The following RUVBL1 variants were observed in gnomAD, a reference collection of about 807,000 sequenced individuals.
The protein encoded by RUVBL1 is RuvB like AAA ATPase 1, also known as ruvB-like 1.
A neutral mutation model predicts 52.4 loss-of-function variants in RUVBL1; 4 were observed. The observed-to-expected ratio is 0.08, with a 90% CI of 0.04 to 0.17. RUVBL1 has a LOEUF of 0.17. Among genes scored for constraint, RUVBL1 ranks in the 10% least tolerant of loss-of-function variants. The probability of loss-of-function intolerance (pLI) is 1.00; values close to 1 mark genes in which losing one functional copy is unlikely to be tolerated. For missense variants in RUVBL1, 298 were observed against 572.8 expected (o/e 0.52, Z 4.90); for synonymous variants, 217 against 214.4 (o/e 1.01, Z -0.10).
intron 8 of RUVBL1, among the ~76,000 whole-genome samples, chr3:128,091,861 T>A (rs1039744660): frequency 6.6e-6 from 1 of 152,170 alleles, no homozygotes; most frequent in Non-Finnish European, 1.5e-5. Flanking sequence ...GCGGAACAAA[T>A]TTGCCCCTGG....
At chr3:128,096,308 G>A (rs1412167932) in intron 8 of RUVBL1, among the ~76,000 whole-genome samples, 1 of 152,228 alleles carries the variant, frequency 6.6e-6, no homozygotes, top group African/African-American at 2.4e-5. Context: ...TGGGAAGATG[G>A]GGTGTTCTCC....
At chr3:128,104,955 G>A in intron 3 of RUVBL1, 31 bp from the exon 4 acceptor site, 1 of 1,581,660 alleles carries the variant, frequency 6.3e-7, no homozygotes. Flanking sequence ...GCCATGGTGA[G>A]AAGCAGAATC....
At chr3:128,132,806 A>T (rs1943898995) in intron 1 of RUVBL1, among the ~76,000 whole-genome samples, 1 of 152,112 alleles carries the variant, frequency 6.6e-6, no homozygotes, top group South Asian at 2.1e-4. Flanking sequence ...CAGGTGAACC[A>T]GCACATTCCC....
chr3:128,076,168 T>C (rs1433367045), downstream of RUVBL1: 3 of 152,344 alleles, frequency 2.0e-5, no homozygotes, highest in Non-Finnish European at 4.4e-5. The surrounding 1 kb of genome is among the most constrained non-coding windows in gnomAD (Gnocchi z 6.8). Context: ...GGAGGGGCAG[T>C]GCCTCAGAGG....
At chr3:128,087,429 C>T (rs542251055) in intron 9 of RUVBL1, among the ~76,000 whole-genome samples, 1 of 152,324 alleles carries the variant, frequency 6.6e-6, no homozygotes, top group East Asian at 1.9e-4. Context: ...TATCCTTTTC[C>T]TAAAGCTTAT....
rs11719079 is a variant in RUVBL1, at chr3:128,105,206, C to A, written c.362-282G>T. Reference sequence around the variant, plus strand: ...CGACTCACTGCAACCTCTGCCTCCCCGGTTCACTCCATTCTCCTGCCTCAG... The same window carrying A: ...CGACTCACTGCAACCTCTGCCTCCCAGGTTCACTCCATTCTCCTGCCTCAG... On this transcript the variant is annotated intron_variant, in intron 3 of 10. Transcript: ENST00000322623. 2.6e-5 allele frequency among the ~76,000 whole-genome samples: 4 copies of A among 151,386 alleles called. No homozygotes were observed. The South Asian group carries it at 8.4e-4, about 32-fold the overall frequency.
At chr3:128,071,300 A>G (rs78722933) in intron 9 of RUVBL1, 2,068 of 152,558 alleles carry the variant, frequency 0.014, 23 homozygotes, top group Non-Finnish European at 0.023. Flanking sequence ...AGTCCTGAGC[A>G]GGGGAGAGGC....
chr3:128,147,062 T>C (rs547624459), intron 1 of RUVBL1, among the ~76,000 whole-genome samples: 25 of 152,308 alleles, frequency 1.6e-4, no homozygotes, highest in African/African-American at 5.1e-4. Flanking sequence ...ACACACCTAT[T>C]GGAAAGGCCA....
At chr3:128,069,714 G>A (rs753575555) in intron 9 of RUVBL1, 8 of 1,533,446 alleles carry the variant, frequency 5.2e-6, no homozygotes, top group African/African-American at 1.4e-5. Flanking sequence ...CCTCGGAAGG[G>A]GAGCTCTCAT....
intron 2 of RUVBL1, among the ~76,000 whole-genome samples, chr3:128,116,528 CAAA>C (rs56800760): frequency 4.0e-5 from 4 of 99,288 alleles, no homozygotes; most frequent in Admixed American, 1.1e-4. Context: ...GACTTCATCT[CAAA>C]AAAAAAAAAA....
At chr3:128,073,239 C>G (rs1005802765) in intron 9 of RUVBL1, among the ~76,000 whole-genome samples, 1 of 152,192 alleles carries the variant, frequency 6.6e-6, no homozygotes, top group Admixed American at 6.5e-5. Flanking sequence ...GGAGCTTCCC[C>G]TTGCTGCCCT....
chr3:128,150,921 TATATATA>T (rs1944191361), intron 1 of RUVBL1, among the ~76,000 whole-genome samples: 1 of 65,884 alleles, frequency 1.5e-5, no homozygotes, highest in Non-Finnish European at 2.8e-5. Context: ...TTCTATATTA[TATATATA>T]ATATATTCTA....
In RUVBL1 at chr3:128,093,966, T is replaced by C. The variant is rs138458937; in HGVS notation, c.1016+3334A>G. Among the ~76,000 whole-genome samples the C allele has an allele frequency of 2.3e-3, 347 of 152,268 alleles. 3 individuals carry two copies. Among genetic ancestry groups the C allele is most frequent in the African/African-American group, 7.9e-3 (329 of 41,542 alleles). On this transcript the variant is annotated intron_variant, in intron 8 of 10. Coordinates refer to ENST00000322623, the MANE Select transcript of RUVBL1 (RefSeq NM_003707.3). ...GGGGCTATGAAGAGGCTTCATGCCTTGCTGGGTTCTCAGAGATCCCTGAGG... is the reference window on the plus strand; with the variant it reads ...GGGGCTATGAAGAGGCTTCATGCCTCGCTGGGTTCTCAGAGATCCCTGAGG...
chr3:128,125,005 CTTT>C (rs749620135), upstream of RUVBL1, among the ~76,000 whole-genome samples: 3 of 61,350 alleles, frequency 4.9e-5, no homozygotes, highest in Admixed American at 7.7e-4. Context: ...CTCACACCGC[CTTT>C]TTTTTTTTTT....
intron 1 of RUVBL1, among the ~76,000 whole-genome samples, chr3:128,152,515 C>T (rs1002554968): frequency 6.6e-6 from 1 of 152,130 alleles, no homozygotes; most frequent in Non-Finnish European, 1.5e-5. Context: ...GGAGACTTCT[C>T]GCTCTCTGAA....
At position 128,082,503 on chromosome 3, in the gene RUVBL1, A is replaced by G. The variant is rs200349234; in HGVS notation, c.1191T>C (p.Ile397=). 13 of 1,613,632 alleles carry G rather than the reference A, an allele frequency of 8.1e-6. No homozygotes were observed. Among genetic ancestry groups the G allele is most frequent in the Non-Finnish European group, 6.8e-6 (8 of 1,179,854 alleles). Residue 397 remains isoleucine (I), a synonymous_variant, in exon 10 of 11, where the codon ATT becomes ATC. Coordinates refer to ENST00000322623, the MANE Select transcript of RUVBL1 (RefSeq NM_003707.3). The surrounding 1 kb of genome is among the most constrained non-coding windows in gnomAD (Gnocchi z 4.7). ...SEEALNHLGE[I]GTKTTLRYSV... is the part of the protein sequence containing the mutation. ...CTCACCTCAGTGTGGTCTTGGTGCCAATCTCCCCCAGGTGGTTCAGTGCCT... is the reference window on the plus strand; with the variant it reads ...CTCACCTCAGTGTGGTCTTGGTGCCGATCTCCCCCAGGTGGTTCAGTGCCT...
chr3:128,101,736 G>C (rs763272775), intron 4 of RUVBL1, 88 bp from the exon 5 acceptor site: 27 of 1,358,088 alleles, frequency 2.0e-5, no homozygotes, highest in Non-Finnish European at 2.8e-5. Flanking sequence ...AGGGATCTGA[G>C]GTAGCTAGCA....
intron 1 of RUVBL1, among the ~76,000 whole-genome samples, chr3:128,121,259 C>T (rs897186427): frequency 6.6e-6 from 1 of 151,586 alleles, no homozygotes; most frequent in Admixed American, 6.6e-5. Flanking sequence ...CCACACCCGG[C>T]TAATTTTTGT....
At chr3:128,100,024 AC>A (rs1299618863) in intron 6 of RUVBL1, among the ~76,000 whole-genome samples, 1 of 152,196 alleles carries the variant, frequency 6.6e-6, no homozygotes, top group East Asian at 1.9e-4. Flanking sequence ...CAAAACACCC[AC>A]GGATCAAATT....
Sources: gnomAD v4.1 joint callset for allele counts (sites outside exome capture counted in the v4.1 genomes callset) on GRCh38, gnomAD v4.1.1 for gene constraint, Gnocchi (gnomAD v3.1) non-coding constraint, MANE v1.5 for transcripts, NCBI Gene and HGNC (gene_info 2026-07-23, HGNC 2026-07-21) for gene names.